PROKR1: variants seen among roughly 807,000 people sequenced by gnomAD.
The protein encoded by PROKR1 is prokineticin receptor 1.
PROKR1 carries 21 observed loss-of-function variants against 22.8 expected under a neutral mutation model. The observed-to-expected ratio is 0.92, with a 90% CI of 0.65 to 1.32. The LOEUF is 1.32. Among genes scored for constraint, PROKR1 ranks in the 40% most tolerant of loss-of-function variants. PROKR1 has a pLI of 0.00. For missense variants in PROKR1, 548 were observed against 514.2 expected (o/e 1.07, Z -0.64); for synonymous variants, 193 against 207.5 (o/e 0.93, Z 0.60).
intron 2 of PROKR1, among the ~76,000 whole-genome samples, chr2:68,652,408 A>G (rs4561701): frequency 0.37 from 55,816 of 152,022 alleles, 12,070 homozygotes; most frequent in African/African-American, 0.61. Flanking sequence ...TCTGCAATTT[A>G]CCTATTTGTA....
At position 68,646,276 on chromosome 2, in the gene PROKR1, C is replaced by G; in HGVS notation, c.455C>G (p.Thr152Ser). 6.2e-7 allele frequency: 1 copy of G among 1,614,228 alleles called. No individual in the cohort carries two copies. The change falls in exon 2 of 3, where the codon ACC becomes AGC. Residue 152 changes from threonine to serine, a missense_variant. By Grantham distance (58) the Thr-to-Ser change is moderately conservative. Transcript: ENST00000303786. Reference protein sequence around the residue: ...YLRTVSLYVSTNALLAIAIDR... With the variant: ...YLRTVSLYVSSNALLAIAIDR... ...CGCACTGTCTCTCTCTATGTCTCCA[C>G]CAATGCCCTGCTGGCCATCGCCATT...
At position 68,657,816 on chromosome 2, in the gene PROKR1, A is replaced by G. The variant is rs531360037; in HGVS notation, c.*2240A>G. ...AAAGACACATTACAAAAACCTATTT[A>G]TTTCTTCCCATTTATCACCCAGTAG... On this transcript the variant is annotated 3_prime_UTR_variant, in exon 3 of 3. Coordinates refer to ENST00000303786, the MANE Select transcript of PROKR1 (RefSeq NM_138964.4). The G allele has an allele frequency of 1.3e-5, 2 of 152,216 alleles. No individual in the cohort carries two copies. The highest frequency in any genetic ancestry group is 4.8e-5 in the African/African-American group (2 of 41,546). 9.4% of individuals were successfully genotyped at this position (152,216 alleles called of 1,614,324 possible). A position where few individuals can be genotyped will look rare whatever the true frequency, so the allele number is the denominator to read the frequency against.
Position 68,646,202 on chromosome 2 carries a change from G to C in PROKR1, c.381G>C (p.Gln127His), listed in dbSNP as rs1351589863. 6.2e-7 allele frequency: 1 copy of C among 1,610,754 alleles called. No individual in the cohort carries two copies. Among genetic ancestry groups the C allele is most frequent in the Non-Finnish European group, 8.5e-7 (1 of 1,177,854 alleles). Residue 127 changes from glutamine to histidine, a missense_variant, in exon 2 of 3, where the codon CAG becomes CAC. Transcript: ENST00000303786. Reference protein sequence around the residue: ...PFEMDYYVVRQLSWEHGHVLC... With the variant: ...PFEMDYYVVRHLSWEHGHVLC... ...AGATGGACTACTATGTGGTGCGCCA[G>C]CTCTCCTGGGAGCACGGCCACGTCC...
rs777609032 is a variant in PROKR1, at chr2:68,646,263, C to T, written c.442C>T (p.Leu148Phe). Residue 148 changes from leucine (L) to phenylalanine (F), a missense_variant, in exon 2 of 3, where the codon CTC (leucine) becomes TTC (phenylalanine). Leu to Phe is a conservative substitution (Grantham distance 22). Transcript: ENST00000303786. ...TSVNYLRTVS[L>F]YVSTNALLAI... is the part of the protein sequence containing the mutation. ...TGTCAACTACCTGCGCACTGTCTCT[C>T]TCTATGTCTCCACCAATGCCCTGCT... 3.2e-5 allele frequency: 52 copies of T among 1,614,106 alleles called. No individual in the cohort carries two copies. The East Asian group carries it at 1.2e-3, about 36-fold the overall frequency.
rs1275505491 is a variant in PROKR1 at position 68,657,116 on chromosome 2, A to C, written c.*1540A>C. On this transcript the variant is annotated 3_prime_UTR_variant, in exon 3 of 3. Transcript: ENST00000303786. ...TGTAGCCCTGGGCAAAGCCTCTCCGAGGGGACAAAGGTAACACCTTTGTCC... is the reference window on the plus strand; with the variant it reads ...TGTAGCCCTGGGCAAAGCCTCTCCGCGGGGACAAAGGTAACACCTTTGTCC... 6.6e-6 allele frequency: 1 copy of C among 152,170 alleles called. No homozygotes were observed. Among genetic ancestry groups the C allele is most frequent in the Non-Finnish European group, 1.5e-5 (1 of 68,034 alleles). 9.4% of individuals were successfully genotyped at this position (152,170 alleles called of 1,614,324 possible).
rs1429713394 is a variant in PROKR1 at position 68,646,091 on chromosome 2, C to T, written c.270C>T (p.Tyr90=). 1 of 1,613,906 alleles carries T rather than the reference C, an allele frequency of 6.2e-7. No individual in the cohort carries two copies. Among genetic ancestry groups the T allele is most frequent in the East Asian group, 2.2e-5 (1 of 44,880 alleles). Residue 90 remains tyrosine (Y), a synonymous_variant, in exon 2 of 3, where the codon TAC becomes TAT. Coordinates refer to ENST00000303786, the MANE Select transcript of PROKR1 (RefSeq NM_138964.4). ...NFIFIAALVR[Y]KKLRNLTNLL... ...TCTTTATCGCTGCCCTGGTCCGCTA[C>T]AAGAAACTGCGCAACCTCACCAACC...
Position 68,645,908 on chromosome 2 carries a change from T to G in PROKR1, c.87T>G (p.His29Gln), listed in dbSNP as rs764061435. 1.9e-6 allele frequency: 3 copies of G among 1,614,216 alleles called. No individual in the cohort carries two copies. Among genetic ancestry groups the G allele is most frequent in the Non-Finnish European group, 2.5e-6 (3 of 1,180,022 alleles). The change falls in exon 2 of 3, where the codon CAT (histidine) becomes CAG (glutamine). Residue 29 changes from histidine to glutamine, a missense_variant. By Grantham distance (24) the His-to-Gln change is conservative. Transcript: ENST00000303786. Reference protein sequence around the residue: ...FLSVLNPHGAHATSFPFNFSY... With the variant: ...FLSVLNPHGAQATSFPFNFSY... Reference sequence around the variant, plus strand: ...CTGTGCTCAACCCTCATGGAGCCCATGCCACTTCCTTCCCATTCAACTTCA... The same window carrying G: ...CTGTGCTCAACCCTCATGGAGCCCAGGCCACTTCCTTCCCATTCAACTTCA...
chr2:68,656,065 C>T lies in PROKR1; in HGVS notation c.*489C>T. 1 of 234,242 alleles carries T rather than the reference C, an allele frequency of 4.3e-6. No individual in the cohort carries two copies. The highest frequency in any genetic ancestry group is 8.5e-6 in the Non-Finnish European group (1 of 118,210). The allele number at this position is 234,242 out of a possible 1,614,324, so 14.5% of individuals were successfully genotyped here. On this transcript the variant is annotated 3_prime_UTR_variant, in exon 3 of 3. Transcript: ENST00000303786. Reference sequence around the variant, plus strand: ...GCTCCTTCTGTAGCCCTTATCCTCTCATCTTTCATGGCGAGGGGCCTTGCA... The same window carrying T: ...GCTCCTTCTGTAGCCCTTATCCTCTTATCTTTCATGGCGAGGGGCCTTGCA...
At position 68,654,932 on chromosome 2, in the gene PROKR1, A is replaced by T; in HGVS notation, c.538A>T (p.Thr180Ser). The T allele has an allele frequency of 6.2e-7, 1 of 1,613,810 alleles. No individual in the cohort carries two copies. The highest frequency in any genetic ancestry group is 8.5e-7 in the Non-Finnish European group (1 of 1,180,006). Residue 180 changes from threonine to serine, a missense_variant, in exon 3 of 3, where the codon ACT becomes TCT. Physicochemically the swap from Thr to Ser is moderately conservative, Grantham distance 58 (BLOSUM62 1). Transcript: ENST00000303786. ...ACCACGGATGAAGTGCCAAACAGCC[A>T]CTGGCCTGATTGCCTTGGTGTGGAC... Reference protein sequence around the residue: ...LRPRMKCQTATGLIALVWTVS... With the variant: ...LRPRMKCQTASGLIALVWTVS...
chr2:68,652,820 G>T (rs1271481205), intron 2 of PROKR1, among the ~76,000 whole-genome samples: 1 of 152,164 alleles, frequency 6.6e-6, no homozygotes, highest in African/African-American at 2.4e-5. Flanking sequence ...CAGATTCATA[G>T]AGCAACTTTC....
In PROKR1 at chr2:68,655,684, A is replaced by G; in HGVS notation, c.*108A>G. ...ACTTTTTGTTTGCTGCAGAGGGTAA[A>G]GTAAATGGACCACTCTGTGAGCAAT... On this transcript the variant is annotated 3_prime_UTR_variant, in exon 3 of 3. Transcript: ENST00000303786. 1 of 1,062,158 alleles carries G rather than the reference A, an allele frequency of 9.4e-7. No homozygotes were observed. Among genetic ancestry groups the G allele is most frequent in the Non-Finnish European group, 1.4e-6 (1 of 713,616 alleles). 65.8% of individuals were successfully genotyped at this position (1,062,158 alleles called of 1,614,324 possible). A position where few individuals can be genotyped will look rare whatever the true frequency, so the allele number is the denominator to read the frequency against.
In PROKR1 at chr2:68,644,993, G is replaced by A. The variant is rs145399015; in HGVS notation, c.-160-669G>A. Among the ~76,000 whole-genome samples, 25 of 152,310 alleles carry A rather than the reference G, an allele frequency of 1.6e-4. No homozygotes were observed. In the East Asian group the frequency reaches 4.4e-3, roughly 27 times the overall value. On this transcript the variant is annotated intron_variant, in intron 1 of 2. Transcript: ENST00000303786. ...ACTCTCCTCCAGGGAGCTCCAGGCT[G>A]TGCAGACATTATTGATCTCCTGCCT...
chr2:68,646,161 G>T lies in PROKR1; in HGVS notation c.340G>T (p.Val114Phe). 6.2e-7 allele frequency: 1 copy of T among 1,608,188 alleles called. No individual in the cohort carries two copies. The highest frequency in any genetic ancestry group is 8.5e-7 in the Non-Finnish European group (1 of 1,176,306). Residue 114 changes from valine (V) to phenylalanine (F), a missense_variant, in exon 2 of 3, where the codon GTC (valine) becomes TTC (phenylalanine). Transcript: ENST00000303786. ...CATCTCTGACTTCCTGGTGGCCATTGTCTGCTGCCCCTTTGAGATGGACTA... is the reference window on the plus strand; with the variant it reads ...CATCTCTGACTTCCTGGTGGCCATTTTCTGCTGCCCCTTTGAGATGGACTA... The part of the protein sequence containing the change: ...LAISDFLVAI[V>F]CCPFEMDYYV...
chr2:68,647,612 G>A (rs868809836), intron 2 of PROKR1, among the ~76,000 whole-genome samples: 8 of 152,202 alleles, frequency 5.3e-5, no homozygotes, highest in Middle Eastern at 3.4e-3. Flanking sequence ...TGGGATGACC[G>A]AAAAGGATAA....
chr2:68,644,836 C>A (rs1042826218), intron 1 of PROKR1, among the ~76,000 whole-genome samples: 3 of 152,136 alleles, frequency 2.0e-5, no homozygotes, highest in Non-Finnish European at 2.9e-5. Flanking sequence ...TGACACCCCC[C>A]TAGACCCCTC....
At chr2:68,652,472 G>C (rs1036243303) in intron 2 of PROKR1, among the ~76,000 whole-genome samples, 9 of 152,302 alleles carry the variant, frequency 5.9e-5, no homozygotes, top group Admixed American at 2.6e-4. Context: ...TGCGGATGGA[G>C]TTGGGGTGAT....
intron 2 of PROKR1, among the ~76,000 whole-genome samples, chr2:68,652,626 A>G (rs4563259): frequency 0.39 from 58,846 of 152,072 alleles, 13,011 homozygotes; most frequent in African/African-American, 0.61. Flanking sequence ...AACAGGTAAA[A>G]GAAAATTGCT....
intron 1 of PROKR1, among the ~76,000 whole-genome samples, 160 bp downstream of exon 1, chr2:68,644,008 A>T (rs1673122210): frequency 6.6e-6 from 1 of 152,082 alleles, no homozygotes; most frequent in East Asian, 1.9e-4. Context: ...CTCTGTCCTT[A>T]GGGGAAGCTG....
intron 1 of PROKR1, among the ~76,000 whole-genome samples, chr2:68,644,409 G>A (rs1419834792): frequency 6.6e-6 from 1 of 152,150 alleles, no homozygotes; most frequent in African/African-American, 2.4e-5. Flanking sequence ...TGGGCAGAGG[G>A]CAAGGGCTGA....
Sources: allele counts gnomAD v4.1 joint callset (sites outside exome capture counted in the v4.1 genomes callset), GRCh38; gene constraint gnomAD v4.1.1; transcripts MANE v1.5; gene names NCBI Gene and HGNC (gene_info 2026-07-23, HGNC 2026-07-21).